Variants in TNFRSF1A observed in about 807,000 individuals in gnomAD.
TNFRSF1A encodes TNF receptor superfamily member 1A, also known as tumor necrosis factor receptor superfamily member 1A.
A neutral mutation model predicts 41.6 loss-of-function variants in TNFRSF1A; 9 were observed. That is an observed-to-expected ratio of 0.22 (90% confidence interval 0.13 to 0.38). The LOEUF is 0.38. TNFRSF1A is among the 10% of genes least tolerant of loss of function. The pLI is 1.00. For synonymous variants in TNFRSF1A, 254 were observed against 248.6 expected (o/e 1.02, Z -0.21); for missense variants, 463 against 591.5 (o/e 0.78, Z 2.25).
At chr12:6,340,500 A>T (rs1948180793) in intron 1 of TNFRSF1A, among the ~76,000 whole-genome samples, 1 of 152,148 alleles carries the variant, frequency 6.6e-6, no homozygotes, top group African/African-American at 2.4e-5. Flanking sequence ...AGAAGGGAAG[A>T]GCGGGTGGGA....
chr12:6,334,011 A>C lies in TNFRSF1A; in HGVS notation c.193+80T>G. ...CCAGCCCAGGAGAGACAGCAAAGTT[A>C]GGGAAGAACAACTGGAAGAAGCAGA... On this transcript the variant is annotated intron_variant, in intron 2 of 9. Coordinates refer to ENST00000162749, the MANE Select transcript of TNFRSF1A (RefSeq NM_001065.4). The surrounding 1 kb of genome is among the most constrained non-coding windows in gnomAD (Gnocchi z 5.1). The C allele has an allele frequency of 1.9e-6, 3 of 1,611,332 alleles. No homozygotes were observed. The highest frequency in any genetic ancestry group is 2.5e-6 in the Non-Finnish European group (3 of 1,177,524).
Position 6,341,446 on chromosome 12 carries a change from C to T in TNFRSF1A, c.39+330G>A, listed in dbSNP as rs1010136298. ...CCTACTCCCACTCCCTTCTTTTCCC[C>T]GCCAAATCTGCCCCACCCTGGGCCT... On this transcript the variant is annotated intron_variant, in intron 1 of 9. Coordinates refer to ENST00000162749, the MANE Select transcript of TNFRSF1A (RefSeq NM_001065.4). The surrounding 1 kb of genome is among the most constrained non-coding windows in gnomAD (Gnocchi z 4.6). Among the ~76,000 whole-genome samples the T allele has an allele frequency of 2.0e-5, 3 of 152,232 alleles. No individual in the cohort carries two copies. Among genetic ancestry groups the T allele is most frequent in the East Asian group, 1.9e-4 (1 of 5,196 alleles).
In TNFRSF1A at chr12:6,334,664, A is replaced by AT. The variant is rs934776279; in HGVS notation, c.40-421dup. On this transcript the variant is annotated intron_variant, in intron 1 of 9. Transcript: ENST00000162749. The surrounding 1 kb of genome is among the most constrained non-coding windows in gnomAD (Gnocchi z 5.1). ...GGCCGTGAACCACCATGCCCAGCTA[A>AT]TTTTTTTTTATTTTTAGTAGAGGCA... Among the ~76,000 whole-genome samples the AT allele has an allele frequency of 4.6e-5, 7 of 151,612 alleles. No individual in the cohort carries two copies. Among genetic ancestry groups the AT allele is most frequent in the South Asian group, 4.2e-4 (2 of 4,778 alleles).
Position 6,334,915 on chromosome 12 carries a change from C to T in TNFRSF1A, c.40-671G>A, listed in dbSNP as rs1292436125. Reference sequence around the variant, plus strand: ...GTTACTTCAGTGATGGCCCCTTCTTCCAACAAGCAGCCCTAAAGATTGGGG... The same window carrying T: ...GTTACTTCAGTGATGGCCCCTTCTTTCAACAAGCAGCCCTAAAGATTGGGG... On this transcript the variant is annotated intron_variant, in intron 1 of 9. Coordinates refer to ENST00000162749, the MANE Select transcript of TNFRSF1A (RefSeq NM_001065.4). The surrounding 1 kb of genome is among the most constrained non-coding windows in gnomAD (Gnocchi z 5.1). Among the ~76,000 whole-genome samples, 2 of 152,212 alleles carry T rather than the reference C, an allele frequency of 1.3e-5. No individual in the cohort carries two copies. The highest frequency in any genetic ancestry group is 2.9e-5 in the Non-Finnish European group (2 of 68,036).
chr12:6,335,442 G>A (rs1265060598), intron 1 of TNFRSF1A, among the ~76,000 whole-genome samples: 2 of 152,168 alleles, frequency 1.3e-5, no homozygotes, highest in Non-Finnish European at 2.9e-5. Flanking sequence ...GCACACCATG[G>A]CATTCTGGAA....
intron 1 of TNFRSF1A, among the ~76,000 whole-genome samples, chr12:6,339,556 G>A (rs1283679216): frequency 1.5e-4 from 23 of 152,136 alleles, no homozygotes; most frequent in Non-Finnish European, 4.4e-5. Flanking sequence ...GGAGCTGAGC[G>A]CAGGAGCTGA....
In TNFRSF1A at chr12:6,333,219, C is replaced by T. The variant is rs41309816; in HGVS notation, c.473-72G>A. On this transcript the variant is annotated intron_variant, in intron 4 of 9. Coordinates refer to ENST00000162749, the MANE Select transcript of TNFRSF1A (RefSeq NM_001065.4). The surrounding 1 kb of genome is among the most constrained non-coding windows in gnomAD (Gnocchi z 6.3). ...CCACCCCACAGGACAGAGGAAGTGA[C>T]GAGGGACAGGGTGGGGGCGGCCAGA... The T allele has an allele frequency of 0.012, 18,572 of 1,570,238 alleles. 141 individuals are homozygous for T. Among genetic ancestry groups the T allele is most frequent in the Non-Finnish European group, 0.015 (17,188 of 1,144,876 alleles).
rs4149571 is a variant in TNFRSF1A at position 6,341,029 on chromosome 12, G to A, written c.39+747C>T. 5.3e-5 allele frequency among the ~76,000 whole-genome samples: 8 copies of A among 152,270 alleles called. No individual in the cohort carries two copies. In the East Asian group the frequency reaches 1.5e-3, roughly 29 times the overall value. On this transcript the variant is annotated intron_variant, in intron 1 of 9. Transcript: ENST00000162749. The surrounding 1 kb of genome is among the most constrained non-coding windows in gnomAD (Gnocchi z 4.6). Reference sequence around the variant, plus strand: ...ACAGGCCCAGGGACACTGACCAGGTGGGGGTAGGACTAGCTCCCTGGGAAG... The same window carrying A: ...ACAGGCCCAGGGACACTGACCAGGTAGGGGTAGGACTAGCTCCCTGGGAAG...
At position 6,329,652 on chromosome 12, in the gene TNFRSF1A, G is replaced by T. The variant is rs374191972; in HGVS notation, c.1058-30C>A. On this transcript the variant is annotated intron_variant, in intron 9 of 9. Transcript: ENST00000162749. ...GGGGACGCGGGCCGGTGAGCCTCGG[G>T]CGGCAACCCCAGGCCCCGCCCCGCA... 15 of 1,580,226 alleles carry T rather than the reference G, an allele frequency of 9.5e-6. No homozygotes were observed. In the African/African-American group the frequency reaches 1.9e-4, roughly 20 times the overall value.
Position 6,329,277 on chromosome 12 carries a change from GGACGGTCCTTA to G in TNFRSF1A, c.*24_*34del, listed in dbSNP as rs1217381785. 1 of 1,437,782 alleles carries G rather than the reference GGACGGTCCTTA, an allele frequency of 7.0e-7. No individual in the cohort carries two copies. The highest frequency in any genetic ancestry group is 9.1e-7 in the Non-Finnish European group (1 of 1,103,152). The allele number at this position is 1,437,782 out of a possible 1,614,324, so 89.1% of individuals were successfully genotyped here. On this transcript the variant is annotated 3_prime_UTR_variant, in exon 10 of 10. Transcript: ENST00000162749. Reference sequence around the variant, plus strand: ...AGTGGGGTTGGAAGGCGATCTCGCAGGACGGTCCTTAGAGCTGCCCGCAGGGGCGCAGCCTC... The same window carrying G: ...AGTGGGGTTGGAAGGCGATCTCGCAGGAGCTGCCCGCAGGGGCGCAGCCTC...
Position 6,333,442 on chromosome 12 carries a change from G to A in TNFRSF1A, c.397C>T (p.Arg133Trp), listed in dbSNP as rs771210186. 10 of 1,614,130 alleles carry A rather than the reference G, an allele frequency of 6.2e-6. No individual in the cohort carries two copies. The highest frequency in any genetic ancestry group is 7.6e-6 in the Non-Finnish European group (9 of 1,180,010). The change falls in exon 4 of 10, where the codon CGG becomes TGG. Residue 133 changes from arginine to tryptophan, a missense_variant. Arg to Trp is a moderately radical substitution (Grantham distance 101). Transcript: ENST00000162749. The surrounding 1 kb of genome is among the most constrained non-coding windows in gnomAD (Gnocchi z 6.3). ...TVCGCRKNQY[R>W]HYWSENLFQC... The stretch of plus-strand genomic sequence containing the variant: ...AAAAGGTTTTCACTCCAATAATGCC[G>A]GTACTGGTTCTTCCTGCAGCCACAC...
At chr12:6,330,560 C>G in intron 7 of TNFRSF1A, 38 bp downstream of exon 7, 1 of 1,502,106 alleles carries the variant, frequency 6.7e-7, no homozygotes, top group Non-Finnish European at 9.2e-7. Context: ...CTCCCTCACC[C>G]CCACCAGCTC....
chr12:6,332,452 AAAAC>A (rs869269951), intron 5 of TNFRSF1A, among the ~76,000 whole-genome samples: 48,079 of 138,762 alleles, frequency 0.35, 9,199 homozygotes, highest in African/African-American at 0.38. Context: ...AAAAAAAAAA[AAAAC>A]ACCAAAAGAA....
At position 6,333,492 on chromosome 12, in the gene TNFRSF1A, G is replaced by A; in HGVS notation, c.347C>T (p.Ser116Phe). ...RKEMGQVEISSCTVDRDTVCG... is the reference protein window; with the variant it reads ...RKEMGQVEISFCTVDRDTVCG... Reference sequence around the variant, plus strand: ...CACGGTGTCCCGGTCCACTGTGCAAGAAGAGATCTCCACCTGACCCATTTC... The same window carrying A: ...CACGGTGTCCCGGTCCACTGTGCAAAAAGAGATCTCCACCTGACCCATTTC... Residue 116 changes from serine to phenylalanine, a missense_variant, in exon 4 of 10, where the codon TCT becomes TTT. Around this residue, in one of 4 missense-constraint regions of TNFRSF1A, gnomAD observed 149 missense variants for 239.4 expected, o/e 0.62. Coordinates refer to ENST00000162749, the MANE Select transcript of TNFRSF1A (RefSeq NM_001065.4). This position sits in a 1 kb window ranked among gnomAD's most constrained non-coding sequence, Gnocchi z 6.3. 1 of 1,613,580 alleles carries A rather than the reference G, an allele frequency of 6.2e-7. No homozygotes were observed. Among genetic ancestry groups the A allele is most frequent in the Non-Finnish European group, 8.5e-7 (1 of 1,179,822 alleles).
In TNFRSF1A at chr12:6,333,733, T is replaced by A; in HGVS notation, c.322+4A>T. 1 of 1,568,658 alleles carries A rather than the reference T, an allele frequency of 6.4e-7. No homozygotes were observed. The highest frequency in any genetic ancestry group is 2.3e-5 in the East Asian group (1 of 42,632). On this transcript the variant is annotated splice_donor_region_variant and intron_variant, in intron 3 of 9. Coordinates refer to ENST00000162749, the MANE Select transcript of TNFRSF1A (RefSeq NM_001065.4). The surrounding 1 kb of genome is among the most constrained non-coding windows in gnomAD (Gnocchi z 6.3). Reference sequence around the variant, plus strand: ...GCCTGACTCTCCTGCCTGTGCACACTCACCCTTTCGGCATTTGGAGCAGCT... The same window carrying A: ...GCCTGACTCTCCTGCCTGTGCACACACACCCTTTCGGCATTTGGAGCAGCT...
chr12:6,329,885 G>A lies in TNFRSF1A; in HGVS notation c.950C>T (p.Pro317Leu). 6.3e-7 allele frequency: 1 copy of A among 1,587,198 alleles called. No individual in the cohort carries two copies. Among genetic ancestry groups the A allele is most frequent in the Non-Finnish European group, 8.6e-7 (1 of 1,166,308 alleles). ...FAAPRREVAP[P>L]YQGADPILAT... ...AAGGATGGGGTCAGCCCCCTGATAGGGTGGTGCCACCTCTCTGCGGGGAGC... is the reference window on the plus strand; with the variant it reads ...AAGGATGGGGTCAGCCCCCTGATAGAGTGGTGCCACCTCTCTGCGGGGAGC... Residue 317 changes from proline to leucine, a missense_variant, in exon 9 of 10, where the codon CCC (proline) becomes CTC (leucine). This residue lies in a region of TNFRSF1A where 277 missense variants were observed against 288.8 expected (regional missense o/e 0.96). Coordinates refer to ENST00000162749, the MANE Select transcript of TNFRSF1A (RefSeq NM_001065.4).
rs747997404 is a variant in TNFRSF1A, at chr12:6,329,659, C to T, written c.1058-37G>A. 3.2e-6 allele frequency: 5 copies of T among 1,565,542 alleles called. No homozygotes were observed. In the South Asian group the frequency reaches 4.7e-5, roughly 15 times the overall value. Reference sequence around the variant, plus strand: ...CGGGCCGGTGAGCCTCGGGCGGCAACCCCAGGCCCCGCCCCGCATCCCGCG... The same window carrying T: ...CGGGCCGGTGAGCCTCGGGCGGCAATCCCAGGCCCCGCCCCGCATCCCGCG... On this transcript the variant is annotated intron_variant, in intron 9 of 9. Transcript: ENST00000162749.
rs147075345 is a variant in TNFRSF1A at position 6,330,692 on chromosome 12, G to A, written c.645C>T (p.Pro215=). 7.0e-5 allele frequency: 113 copies of A among 1,613,890 alleles called. No individual in the cohort carries two copies. In the East Asian group the frequency reaches 1.2e-3, roughly 17 times the overall value. The change falls in exon 7 of 10, where the codon CCC becomes CCT. Residue 215 remains proline, a synonymous_variant. Transcript: ENST00000162749. ...GGCAAAGACCAAAGAAAATGACCAGGGGCAACAGCACTGTGGTGCCTGCAG... is the reference window on the plus strand; with the variant it reads ...GGCAAAGACCAAAGAAAATGACCAGAGGCAACAGCACTGTGGTGCCTGCAG... ...TEDSGTTVLL[P]LVIFFGLCLL... is the part of the protein sequence containing the mutation.
rs557134498 is a variant in TNFRSF1A at position 6,341,676 on chromosome 12, G to T, written c.39+100C>A. Reference sequence around the variant, plus strand: ...GGCCTGAGGCTGGCGCCAGGACCAGGCCCGGGCAGGAGAGGCTCGGCCCCC... The same window carrying T: ...GGCCTGAGGCTGGCGCCAGGACCAGTCCCGGGCAGGAGAGGCTCGGCCCCC... On this transcript the variant is annotated intron_variant, in intron 1 of 9. Coordinates refer to ENST00000162749, the MANE Select transcript of TNFRSF1A (RefSeq NM_001065.4). The surrounding 1 kb of genome is among the most constrained non-coding windows in gnomAD (Gnocchi z 4.6). 5 of 1,416,280 alleles carry T rather than the reference G, an allele frequency of 3.5e-6. No homozygotes were observed. In the East Asian group the frequency reaches 1.2e-4, roughly 33 times the overall value. 87.7% of individuals were successfully genotyped at this position (1,416,280 alleles called of 1,614,324 possible).
Sources: gnomAD v4.1 joint callset for allele counts (sites outside exome capture counted in the v4.1 genomes callset) on GRCh38, gnomAD v4.1.1 for gene constraint, gnomAD v4.1.1 regional missense constraint, Gnocchi (gnomAD v3.1) non-coding constraint, MANE v1.5 for transcripts, NCBI Gene and HGNC (gene_info 2026-07-23, HGNC 2026-07-21) for gene names.